Variants in SMG6 observed in about 807,000 individuals in gnomAD.
The protein encoded by SMG6 is telomerase-binding protein EST1A.
In SMG6, 66 loss-of-function variants were observed where a neutral mutation model predicts 142.2. The ratio of observed to expected loss-of-function variants is 0.46; its 90% confidence interval spans 0.38 to 0.57. The LOEUF (loss-of-function observed/expected upper bound fraction) is 0.57, where lower values mean the gene tolerates loss of function less well. SMG6 is among the 20% of genes least tolerant of loss of function. The probability of loss-of-function intolerance (pLI) is 0.00; values close to 1 mark genes in which losing one functional copy is unlikely to be tolerated. For synonymous variants in SMG6, 779 were observed against 702.4 expected, an observed-to-expected ratio of 1.11 and a Z score of -1.72; for missense variants, 1,793 against 1,832.0, an observed-to-expected ratio of 0.98 and a Z score of 0.39.
intron 13 of SMG6, among the ~76,000 whole-genome samples, chr17:2,090,519 G>A (rs574268844): frequency 6.6e-6 from 1 of 152,336 alleles, no homozygotes; most frequent in East Asian, 1.9e-4. Flanking sequence ...AAGCTCTAGG[G>A]AGTGAGGGAC....
intron 8 of SMG6, among the ~76,000 whole-genome samples, chr17:2,258,528 G>C (rs1206605922): frequency 6.6e-6 from 1 of 150,410 alleles, no homozygotes; most frequent in Non-Finnish European, 1.5e-5. Flanking sequence ...CTGCACTCCA[G>C]GCTAGGCGAC....
chr17:2,219,510 G>A (rs1160298004), intron 10 of SMG6, among the ~76,000 whole-genome samples: 1 of 152,066 alleles, frequency 6.6e-6, no homozygotes, highest in Non-Finnish European at 1.5e-5. Context: ...ACCTAGGTCG[G>A]GTGCAGTGGC....
intron 10 of SMG6, among the ~76,000 whole-genome samples, chr17:2,203,499 G>A (rs955699433): frequency 3.9e-5 from 6 of 152,174 alleles, no homozygotes; most frequent in Admixed American, 3.3e-4. Flanking sequence ...CCCAGTATTT[G>A]AGGAAAAGCA....
chr17:2,194,675 C>G (rs149030564), intron 10 of SMG6, among the ~76,000 whole-genome samples: 56 of 150,654 alleles, frequency 3.7e-4, no homozygotes, highest in African/African-American at 1.3e-3. Context: ...CAGAGTAAGA[C>G]CCTGTCTCTA....
At position 2,301,698 on chromosome 17, in the gene SMG6, C is replaced by T. The variant is rs113962797; in HGVS notation, c.89-1034G>A. Among the ~76,000 whole-genome samples the T allele has an allele frequency of 5.6e-3, 853 of 152,160 alleles. 2 individuals are homozygous for T. The highest frequency in any genetic ancestry group is 0.01 in the Middle Eastern group (3 of 294). ...TCAACAAAAAATACAAAAAATTAGC[C>T]GGGCGTGGTGGTGGGCGCCTGTAGT... is the stretch of plus-strand genomic sequence containing the variant. On this transcript the variant is annotated intron_variant, in intron 1 of 18. Transcript: ENST00000263073.
At position 2,085,147 on chromosome 17, in the gene SMG6, C is replaced by T. The variant is rs916243553; in HGVS notation, c.3534+578G>A. Among the ~76,000 whole-genome samples the T allele has an allele frequency of 5.3e-5, 8 of 152,148 alleles. No homozygotes were observed. The highest frequency in any genetic ancestry group is 1.7e-4 in the African/African-American group (7 of 41,476). ...GCGTGCGCACACACACACACAGACG[C>T]GCACACACACACACAGACACACACA... is the stretch of plus-strand genomic sequence containing the variant. On this transcript the variant is annotated intron_variant, in intron 14 of 18. Coordinates refer to ENST00000263073, the MANE Select transcript of SMG6 (RefSeq NM_017575.5). The surrounding 1 kb of genome is among the most constrained non-coding windows in gnomAD (Gnocchi z 4.1).
chr17:2,065,361 C>A, intron 17 of SMG6, 107 bp downstream of exon 17: 1 of 1,177,998 alleles, frequency 8.5e-7, no homozygotes, highest in Non-Finnish European at 1.2e-6. Context: ...TCCATGGTGG[C>A]TGGCCCTCAG....
chr17:2,146,383 G>T (rs2070670073), intron 13 of SMG6, among the ~76,000 whole-genome samples: 1 of 152,184 alleles, frequency 6.6e-6, no homozygotes, highest in South Asian at 2.1e-4. Flanking sequence ...ACCCCATACT[G>T]GGAGATGAAC....
chr17:2,247,225 C>T (rs1408388268), intron 8 of SMG6, among the ~76,000 whole-genome samples: 1 of 152,120 alleles, frequency 6.6e-6, no homozygotes, highest in African/African-American at 2.4e-5. Context: ...AATGATGAAG[C>T]AAGTGGTGAA....
chr17:2,151,856 T>C (rs928675437), intron 13 of SMG6, among the ~76,000 whole-genome samples: 10 of 152,232 alleles, frequency 6.6e-5, no homozygotes, highest in Non-Finnish European at 1.2e-4. Flanking sequence ...TGTCTGCTGC[T>C]GCCAATTTGC....
chr17:2,220,016 G>C (rs550772429), intron 10 of SMG6, among the ~76,000 whole-genome samples: 1 of 151,988 alleles, frequency 6.6e-6, no homozygotes, highest in East Asian at 1.9e-4. Context: ...CCAACCCCTG[G>C]GCTTAAGCCA....
chr17:2,087,292 A>G (rs2068590457), intron 13 of SMG6: 1 of 1,265,204 alleles, frequency 7.9e-7, no homozygotes, highest in Non-Finnish European at 1.0e-6. Context: ...GGCATGACCC[A>G]TGTTCTCTAA....
At chr17:2,210,127 T>C (rs1481267938) in intron 10 of SMG6, among the ~76,000 whole-genome samples, 1 of 152,172 alleles carries the variant, frequency 6.6e-6, no homozygotes, top group Non-Finnish European at 1.5e-5. Flanking sequence ...CCAGAGCTCC[T>C]TGCTGGACTG....
chr17:2,078,044 A>T (rs953927553), intron 15 of SMG6, among the ~76,000 whole-genome samples: 5 of 152,140 alleles, frequency 3.3e-5, no homozygotes, highest in African/African-American at 1.2e-4. Context: ...ATTTCTGAGC[A>T]GGGGAGTGGC....
chr17:2,300,253 T>A lies in SMG6; in HGVS notation c.500A>T (p.Glu167Val), dbSNP rs1567765180. The A allele has an allele frequency of 1.2e-6, 2 of 1,614,204 alleles. No individual in the cohort carries two copies. The highest frequency in any genetic ancestry group is 2.2e-5 in the East Asian group (1 of 44,896). Reference protein sequence around the residue: ...KESASRVEEEEVLNQVEQLRV... With the variant: ...KESASRVEEEVVLNQVEQLRV... ...CAGTTGTTCTACCTGGTTGAGGACT[T>A]CTTCCTCCTCCACCCGACTGGCGGA... The change falls in exon 2 of 19, where the codon GAA (glutamate) becomes GTA (valine). Residue 167 changes from glutamate to valine, a missense_variant. By Grantham distance (121) the Glu-to-Val change is moderately radical. Around this residue, in one of 3 missense-constraint regions of SMG6, gnomAD observed 1,597 missense variants for 1,584.6 expected, o/e 1.01. Coordinates refer to ENST00000263073, the MANE Select transcript of SMG6 (RefSeq NM_017575.5).
chr17:2,183,048 G>GC (rs1453745703), intron 12 of SMG6, among the ~76,000 whole-genome samples: 1 of 152,024 alleles, frequency 6.6e-6, no homozygotes, highest in African/African-American at 2.4e-5. Flanking sequence ...ACATGACAAT[G>GC]CCCCATCTCT....
At chr17:2,102,715 C>T (rs1477082899) in intron 13 of SMG6, among the ~76,000 whole-genome samples, 1 of 151,942 alleles carries the variant, frequency 6.6e-6, no homozygotes, top group Non-Finnish European at 1.5e-5. Flanking sequence ...TTTATGCTCA[C>T]CATGCTGTTC....
chr17:2,199,671 T>G (rs1163596490), intron 10 of SMG6: 8 of 151,902 alleles, frequency 5.3e-5, no homozygotes, highest in Non-Finnish European at 8.8e-5. Context: ...TTTGAGAGGC[T>G]GAGGCGGATG....
chr17:2,222,429 A>C (rs1453411267), intron 10 of SMG6, among the ~76,000 whole-genome samples: 1 of 151,530 alleles, frequency 6.6e-6, no homozygotes, highest in African/African-American at 2.4e-5. Flanking sequence ...CGAAGGGCCA[A>C]AGGTGGGAGA....
Sources: gnomAD v4.1 joint callset for allele counts (sites outside exome capture counted in the v4.1 genomes callset) on GRCh38, gnomAD v4.1.1 for gene constraint, gnomAD v4.1.1 regional missense constraint, Gnocchi (gnomAD v3.1) non-coding constraint, MANE v1.5 for transcripts, NCBI Gene and HGNC (gene_info 2026-07-23, HGNC 2026-07-21) for gene names.